TMPRSS11D: variants seen among roughly 807,000 people sequenced by gnomAD.
The protein encoded by TMPRSS11D is transmembrane protease serine 11D.
TMPRSS11D carries 32 observed loss-of-function variants against 44.4 expected under a neutral mutation model. That is an observed-to-expected ratio of 0.72 (90% CI 0.54 to 0.97). TMPRSS11D has a LOEUF of 0.97. Ranked by LOEUF, TMPRSS11D falls within the 50% of genes least tolerant of loss-of-function variation. The probability of loss-of-function intolerance (pLI) is 0.00; values close to 1 mark genes in which losing one functional copy is unlikely to be tolerated. For synonymous variants in TMPRSS11D, 179 were observed against 177.9 expected (o/e 1.01, Z -0.05); for missense variants, 446 against 502.6 (o/e 0.89, Z 1.08).
At chr4:67,830,166 C>T (rs1246269590) in intron 7 of TMPRSS11D, among the ~76,000 whole-genome samples, 1 of 151,994 alleles carries the variant, frequency 6.6e-6, no homozygotes, top group African/African-American at 2.4e-5. Context: ...TAGACTTTTA[C>T]ACAATGCTAC....
chr4:67,858,500 T>G (rs1276657560), intron 2 of TMPRSS11D, among the ~76,000 whole-genome samples: 1 of 152,200 alleles, frequency 6.6e-6, no homozygotes, highest in Non-Finnish European at 1.5e-5. Context: ...ACCTTTACAT[T>G]TGATTGGCTG....
intron 1 of TMPRSS11D, chr4:67,860,505 G>A (rs1718769676): frequency 6.6e-6 from 1 of 152,030 alleles, no homozygotes; most frequent in Non-Finnish European, 1.5e-5. Context: ...CATGTTACGT[G>A]TTATAAAGTA....
chr4:67,857,342 CACACAT>C (rs1718676564), intron 2 of TMPRSS11D, among the ~76,000 whole-genome samples: 1 of 134,820 alleles, frequency 7.4e-6, no homozygotes, highest in African/African-American at 2.8e-5. Context: ...CACACACACA[CACACAT>C]ACACAATGGA....
In TMPRSS11D at chr4:67,854,181, T is replaced by A; in HGVS notation, c.136A>T (p.Lys46Ter). 1 of 1,498,434 alleles carries A rather than the reference T, an allele frequency of 6.7e-7. No individual in the cohort carries two copies. Among genetic ancestry groups the A allele is most frequent in the South Asian group, 1.2e-5 (1 of 83,276 alleles). The allele number at this position is 1,498,434 out of a possible 1,614,324, so 92.8% of individuals were successfully genotyped here. A position where few individuals can be genotyped will look rare whatever the true frequency, so the allele number is the denominator to read the frequency against. ...AAACTGCTCCTATAAAAGTAAGATTTTTGATCTGAAAAAGAAATAAAAGGG... is the reference window on the plus strand; with the variant it reads ...AAACTGCTCCTATAAAAGTAAGATTATTGATCTGAAAAAGAAATAAAAGGG... ...LLVYFLAFDQ[K>*]SYFYRSSFQL... is the part of the protein sequence containing the mutation. The change falls in exon 3 of 10, where the codon AAA becomes TAA. Residue 46 changes from lysine to a stop codon, truncating the protein, a stop_gained. Transcript: ENST00000283916. LOFTEE classifies it high-confidence loss of function.
intron 1 of TMPRSS11D, among the ~76,000 whole-genome samples, chr4:67,882,410 T>A (rs1719341500): frequency 6.6e-6 from 1 of 152,160 alleles, no homozygotes; most frequent in Admixed American, 6.5e-5. Flanking sequence ...GAAACCAAAA[T>A]TCCACAGAAG....
At chr4:67,860,651 A>G (rs1718773201) in intron 1 of TMPRSS11D, among the ~76,000 whole-genome samples, 2 of 152,100 alleles carry the variant, frequency 1.3e-5, no homozygotes, top group African/African-American at 4.8e-5. Context: ...TGTTTTGTAA[A>G]TATTTATGAT....
At chr4:67,862,873 C>G (rs922000715) in intron 1 of TMPRSS11D, among the ~76,000 whole-genome samples, 1 of 151,158 alleles carries the variant, frequency 6.6e-6, no homozygotes, top group Non-Finnish European at 1.5e-5. Context: ...CACTTGGACA[C>G]AGGGAGGGGA....
At chr4:67,826,731 C>T (rs901506985) in intron 8 of TMPRSS11D, among the ~76,000 whole-genome samples, 1 of 148,386 alleles carries the variant, frequency 6.7e-6, no homozygotes, top group African/African-American at 2.5e-5. Context: ...CCAGACCAGC[C>T]TGGGCAACAG....
intron 2 of TMPRSS11D, among the ~76,000 whole-genome samples, chr4:67,856,121 A>G (rs2109685621): frequency 6.6e-6 from 1 of 152,336 alleles, no homozygotes; most frequent in South Asian, 2.1e-4. Context: ...CACTTTTCAC[A>G]GAAATAGAAA....
At chr4:67,845,908 A>C (rs953717905) in intron 3 of TMPRSS11D, among the ~76,000 whole-genome samples, 3 of 152,186 alleles carry the variant, frequency 2.0e-5, no homozygotes, top group African/African-American at 7.2e-5. Context: ...TGCACACAGG[A>C]TATCTATAAT....
intron 6 of TMPRSS11D, among the ~76,000 whole-genome samples, chr4:67,834,193 A>G (rs1236477541): frequency 6.6e-6 from 1 of 152,166 alleles, no homozygotes; most frequent in Non-Finnish European, 1.5e-5. Flanking sequence ...AATTAATGGT[A>G]AATCACACAA....
intron 3 of TMPRSS11D, among the ~76,000 whole-genome samples, chr4:67,847,053 C>T (rs563158440): frequency 8.4e-4 from 128 of 152,122 alleles, no homozygotes; most frequent in African/African-American, 2.6e-3. Context: ...TACAAGCATC[C>T]ACCATCATCC....
intron 6 of TMPRSS11D, among the ~76,000 whole-genome samples, chr4:67,834,379 T>G (rs1718024438): frequency 1.3e-5 from 2 of 152,154 alleles, no homozygotes; most frequent in Admixed American, 1.3e-4. Flanking sequence ...TATCACAGTT[T>G]CATTAACAAT....
At chr4:67,838,034 A>G (rs1718139808) in intron 5 of TMPRSS11D, 138 bp downstream of exon 5, 1 of 652,970 alleles carries the variant, frequency 1.5e-6, no homozygotes, top group Non-Finnish European at 2.4e-6. Context: ...TATATGGTAT[A>G]TTTAGCTTTT....
chr4:67,843,596 G>A (rs1236739111), intron 3 of TMPRSS11D, among the ~76,000 whole-genome samples: 1 of 152,084 alleles, frequency 6.6e-6, no homozygotes, highest in African/African-American at 2.4e-5. Context: ...TGAGTATCTG[G>A]GACTATAAGT....
At chr4:67,851,261 G>A (rs1191592992) in intron 3 of TMPRSS11D, among the ~76,000 whole-genome samples, 1 of 152,088 alleles carries the variant, frequency 6.6e-6, no homozygotes, top group African/African-American at 2.4e-5. Context: ...CAAGAGAAGT[G>A]GCATCAATAA....
intron 2 of TMPRSS11D, among the ~76,000 whole-genome samples, chr4:67,858,070 A>T (rs1426411580): frequency 6.6e-6 from 1 of 152,202 alleles, no homozygotes; most frequent in Non-Finnish European, 1.5e-5. Context: ...TGAAGGAGAT[A>T]AAAGTCTCTG....
chr4:67,858,685 C>T (rs144263350), intron 2 of TMPRSS11D, among the ~76,000 whole-genome samples: 283 of 152,164 alleles, frequency 1.9e-3, no homozygotes, highest in Non-Finnish European at 3.3e-3. Flanking sequence ...TACACACCTG[C>T]ACACCCGTAC....
rs188580659 is a variant in TMPRSS11D at position 67,877,085 on chromosome 4, C to T, written c.8+6841G>A. Among the ~76,000 whole-genome samples, 98 of 152,052 alleles carry T rather than the reference C, an allele frequency of 6.4e-4. 1 individual carries two copies. Among genetic ancestry groups the T allele is most frequent in the Admixed American group, 3.3e-3 (51 of 15,274 alleles). ...CTGAGGTGTGGTAACTTGAAACGGG[C>T]GATAGGTATGAGGATTCATTCTATT... On this transcript the variant is annotated intron_variant, in intron 1 of 9. Transcript: ENST00000283916.
Sources: gnomAD v4.1 joint callset for allele counts (sites outside exome capture counted in the v4.1 genomes callset) on GRCh38, gnomAD v4.1.1 for gene constraint, MANE v1.5 for transcripts, NCBI Gene and HGNC (gene_info 2026-07-23, HGNC 2026-07-21) for gene names.